CSGALNACT1: variants seen among roughly 807,000 people sequenced by gnomAD.
CSGALNACT1 encodes beta4GalNAcT-1.
Under a neutral mutation model 51.0 loss-of-function variants are expected in CSGALNACT1, and 52 were observed. The observed-to-expected ratio is 1.02, with a 90% confidence interval of 0.82 to 1.29. CSGALNACT1 has a LOEUF of 1.29. CSGALNACT1 is among the 50% of genes most tolerant of loss of function. The pLI is 0.00. For missense variants in CSGALNACT1, 935 were observed against 679.2 expected, an observed-to-expected ratio of 1.38 and a Z score of -4.19; for synonymous variants, 341 against 254.4, an observed-to-expected ratio of 1.34 and a Z score of -3.24.
At chr8:19,465,665 T>C (rs2066502076) in intron 4 of CSGALNACT1, among the ~76,000 whole-genome samples, 2 of 152,338 alleles carry the variant, frequency 1.3e-5, no homozygotes, top group Admixed American at 1.3e-4. Context: ...GTCTCTCTTC[T>C]TCAGGCACTT....
intron 1 of CSGALNACT1, among the ~76,000 whole-genome samples, chr8:19,614,201 T>A (rs2052684858): frequency 6.6e-6 from 1 of 152,186 alleles, no homozygotes. Context: ...GATAACTCAT[T>A]CAATACTCCT....
chr8:19,594,758 G>A (rs2048547348), intron 2 of CSGALNACT1, among the ~76,000 whole-genome samples: 1 of 151,462 alleles, frequency 6.6e-6, no homozygotes, highest in Non-Finnish European at 1.5e-5. Context: ...CACCATGTCA[G>A]CCAGGCTGGT....
chr8:19,572,503 G>T (rs76386122), intron 3 of CSGALNACT1, among the ~76,000 whole-genome samples: 1 of 152,134 alleles, frequency 6.6e-6, no homozygotes, highest in African/African-American at 2.4e-5. Flanking sequence ...CAAGGCTTAC[G>T]TACCAATGAA....
chr8:19,422,553 C>T (rs1169992390), intron 6 of CSGALNACT1, among the ~76,000 whole-genome samples: 1 of 152,246 alleles, frequency 6.6e-6, no homozygotes, highest in African/African-American at 2.4e-5. Context: ...TTCTCTTCCT[C>T]TTTCAGAACT....
intron 1 of CSGALNACT1, among the ~76,000 whole-genome samples, chr8:19,747,146 A>G (rs909974518): frequency 6.6e-6 from 1 of 152,216 alleles, no homozygotes; most frequent in African/African-American, 2.4e-5. Context: ...TCTGTGCACC[A>G]GTAAAATTCA....
At chr8:19,580,756 A>T (rs1327670283) in intron 3 of CSGALNACT1, among the ~76,000 whole-genome samples, 1 of 152,256 alleles carries the variant, frequency 6.6e-6, no homozygotes, top group African/African-American at 2.4e-5. Flanking sequence ...ATAGCATTTT[A>T]CTATAACTAC....
chr8:19,750,639 C>T (rs1477950760), intron 1 of CSGALNACT1, among the ~76,000 whole-genome samples: 1 of 152,136 alleles, frequency 6.6e-6, no homozygotes, highest in East Asian at 1.9e-4. Flanking sequence ...ACAAGGTCCC[C>T]CTAGTCAGTA....
chr8:19,722,809 T>C (rs985695816), intron 1 of CSGALNACT1, among the ~76,000 whole-genome samples: 6 of 152,232 alleles, frequency 3.9e-5, no homozygotes, highest in African/African-American at 1.4e-4. Flanking sequence ...AATTAACATG[T>C]TGGGGACCAG....
intron 3 of CSGALNACT1, among the ~76,000 whole-genome samples, chr8:19,548,862 C>T (rs1425050967): frequency 6.6e-6 from 1 of 152,132 alleles, no homozygotes; most frequent in African/African-American, 2.4e-5. Flanking sequence ...CCCTTTTGCC[C>T]TTCTACAGTA....
At chr8:19,506,194 G>A (rs1030279901) in intron 3 of CSGALNACT1, 64 bp from the exon 3 acceptor site, 5 of 472,138 alleles carry the variant, frequency 1.1e-5, no homozygotes, top group Admixed American at 2.4e-5. Flanking sequence ...TGTTCCCTAC[G>A]GCAATCAATA....
At chr8:19,638,686 A>G (rs2056396758) in intron 1 of CSGALNACT1, among the ~76,000 whole-genome samples, 1 of 152,222 alleles carries the variant, frequency 6.6e-6, no homozygotes, top group African/African-American at 2.4e-5. Flanking sequence ...CATATAAGTG[A>G]GAACAGAACG....
intron 2 of CSGALNACT1, 54 bp downstream of exon 2, chr8:19,601,717 A>C (rs2050466502): frequency 2.4e-6 from 1 of 412,124 alleles, no homozygotes; most frequent in African/African-American, 2.1e-5. Context: ...CAGAATATTG[A>C]ACACAAAGCA....
At chr8:19,609,311 C>T (rs1213302788) in intron 1 of CSGALNACT1, among the ~76,000 whole-genome samples, 6 of 147,538 alleles carry the variant, frequency 4.1e-5, no homozygotes, top group Non-Finnish European at 8.9e-5. Context: ...ATGGATATTG[C>T]CCTCAGGGAT....
At chr8:19,660,722 A>G (rs1028093795) in intron 1 of CSGALNACT1, among the ~76,000 whole-genome samples, 12 of 152,100 alleles carry the variant, frequency 7.9e-5, no homozygotes, top group Admixed American at 6.5e-4. Flanking sequence ...CCTCCCCATG[A>G]TCCCTGATAT....
At chr8:19,624,738 G>A (rs1042875309) in intron 1 of CSGALNACT1, among the ~76,000 whole-genome samples, 2 of 151,766 alleles carry the variant, frequency 1.3e-5, no homozygotes, top group African/African-American at 4.8e-5. Context: ...GAGTGCAGTG[G>A]CGAGATCTCA....
intron 4 of CSGALNACT1, among the ~76,000 whole-genome samples, chr8:19,475,237 G>A (rs1053806270): frequency 2.6e-5 from 4 of 152,280 alleles, no homozygotes; most frequent in South Asian, 2.1e-4. Context: ...TGCAGAAGCC[G>A]AGAAAGTCTG....
In CSGALNACT1 at chr8:19,438,711, C is replaced by G. The variant is rs538356554; in HGVS notation, c.953+1119G>C. Among the ~76,000 whole-genome samples the G allele has an allele frequency of 2.6e-4, 40 of 152,312 alleles. 1 individual carries two copies. The Middle Eastern group carries it at 0.01, about 39-fold the overall frequency. On this transcript the variant is annotated intron_variant, in intron 6 of 9. Coordinates refer to ENST00000454498, the Ensembl canonical transcript of CSGALNACT1. ...ATAATATGTAAACAAACGGGCATGCCTGCATTCCAGTAAAACTTTATTTAC... is the reference window on the plus strand; with the variant it reads ...ATAATATGTAAACAAACGGGCATGCGTGCATTCCAGTAAAACTTTATTTAC...
At chr8:19,436,685 T>C (rs927960862) in intron 6 of CSGALNACT1, among the ~76,000 whole-genome samples, 8 of 152,032 alleles carry the variant, frequency 5.3e-5, no homozygotes, top group African/African-American at 1.7e-4. Flanking sequence ...GGCAAGAGGA[T>C]TGCTCAAGGC....
At chr8:19,613,175 A>C (rs2052535164) in intron 1 of CSGALNACT1, among the ~76,000 whole-genome samples, 1 of 152,106 alleles carries the variant, frequency 6.6e-6, no homozygotes, top group African/African-American at 2.4e-5. Context: ...ATTTTTCTAT[A>C]ATTCTACCTA....
Sources: gnomAD v4.1 joint callset for allele counts (sites outside exome capture counted in the v4.1 genomes callset) on GRCh38, gnomAD v4.1.1 for gene constraint, MANE v1.5 for transcripts, NCBI Gene and HGNC (gene_info 2026-07-23, HGNC 2026-07-21) for gene names.